Variants in PRKN observed in about 807,000 individuals in gnomAD.
PRKN encodes E3 ubiquitin-protein ligase parkin.
A neutral mutation model predicts 59.5 loss-of-function variants in PRKN; 56 were observed. The ratio of observed to expected loss-of-function variants is 0.94; its 90% CI spans 0.76 to 1.18. The LOEUF (loss-of-function observed/expected upper bound fraction) is 1.18. PRKN is among the 50% of genes most tolerant of loss of function. The pLI, the probability that PRKN is intolerant of heterozygous loss-of-function variation, is 0.00. For missense variants in PRKN, 657 were observed against 596.4 expected (o/e 1.10, Z -1.06); for synonymous variants, 250 against 222.1 (o/e 1.13, Z -1.12).
intron 1 of PRKN, among the ~76,000 whole-genome samples, chr6:162,480,188 T>C (rs190047779): frequency 6.6e-6 from 1 of 152,310 alleles, no homozygotes; most frequent in Non-Finnish European, 1.5e-5. Context: ...ACAATTGGTA[T>C]CGTAGTAGGC....
At chr6:161,612,548 C>A (rs1223170387) in intron 7 of PRKN, among the ~76,000 whole-genome samples, 1 of 151,668 alleles carries the variant, frequency 6.6e-6, no homozygotes, top group Non-Finnish European at 1.5e-5. Flanking sequence ...TGGTGAAACC[C>A]CCTCTCTACT....
intron 4 of PRKN, among the ~76,000 whole-genome samples, chr6:162,075,239 A>C: frequency 6.6e-6 from 1 of 152,210 alleles, no homozygotes. Context: ...ATAAAGATTC[A>C]TAGTTACCTC....
intron 4 of PRKN, among the ~76,000 whole-genome samples, chr6:162,146,820 T>TCGG (rs1367255095): frequency 1.3e-5 from 2 of 151,932 alleles, no homozygotes; most frequent in East Asian, 3.9e-4. Context: ...TTTTTATTCC[T>TCGG]CCTGGGCTCA....
At chr6:162,595,819 T>C (rs993803397) in intron 1 of PRKN, among the ~76,000 whole-genome samples, 2 of 152,160 alleles carry the variant, frequency 1.3e-5, no homozygotes, top group Non-Finnish European at 2.9e-5. Context: ...CAGGCTCCAT[T>C]TGAGTTACTA....
chr6:162,542,010 G>GTGAGTTTGT (rs1296598068), intron 1 of PRKN, among the ~76,000 whole-genome samples: 1 of 152,086 alleles, frequency 6.6e-6, no homozygotes, highest in Non-Finnish European at 1.5e-5. Flanking sequence ...GTTGTGTTTG[G>GTGAGTTTGT]TGAGTTTGTT....
intron 4 of PRKN, among the ~76,000 whole-genome samples, chr6:162,063,751 G>T (rs561037974): frequency 6.6e-6 from 1 of 152,240 alleles, no homozygotes; most frequent in South Asian, 2.1e-4. Flanking sequence ...CACCATGTTG[G>T]CCAGGCTGGT....
intron 1 of PRKN, among the ~76,000 whole-genome samples, chr6:162,605,879 A>G (rs1028346358): frequency 2.0e-5 from 3 of 152,178 alleles, no homozygotes; most frequent in South Asian, 2.1e-4. Context: ...TATTTTAAGT[A>G]TTCATATTTA....
At chr6:162,688,195 G>A (rs1383843440) in intron 1 of PRKN, among the ~76,000 whole-genome samples, 1 of 152,208 alleles carries the variant, frequency 6.6e-6, no homozygotes, top group Non-Finnish European at 1.5e-5. Context: ...GAAAAAAACA[G>A]ACATAAAACA....
chr6:161,864,468 C>T (rs1268419688), intron 6 of PRKN, among the ~76,000 whole-genome samples: 1 of 152,190 alleles, frequency 6.6e-6, no homozygotes, highest in Non-Finnish European at 1.5e-5. Flanking sequence ...ACCATATCTG[C>T]AGTCACTTCC....
chr6:161,985,373 C>G (rs1781398242), intron 5 of PRKN, among the ~76,000 whole-genome samples: 1 of 152,174 alleles, frequency 6.6e-6, no homozygotes, highest in African/African-American at 2.4e-5. Context: ...GTTAAAATAT[C>G]TGGTTGTTAA....
intron 9 of PRKN, among the ~76,000 whole-genome samples, chr6:161,516,246 G>T (rs1490037569): frequency 6.6e-6 from 1 of 151,868 alleles, no homozygotes; most frequent in Non-Finnish European, 1.5e-5. Flanking sequence ...CCAGGAGTTT[G>T]AGACCAGCCT....
At chr6:162,292,152 C>A (rs976428120) in intron 2 of PRKN, among the ~76,000 whole-genome samples, 1 of 151,874 alleles carries the variant, frequency 6.6e-6, no homozygotes, top group African/African-American at 2.4e-5. Context: ...TTAGTAGAGA[C>A]AAGGTTTCAC....
At position 161,480,017 on chromosome 6, in the gene PRKN, G is replaced by A. The variant is rs761171120; in HGVS notation, c.1083+68837C>T. On this transcript the variant is annotated intron_variant, in intron 9 of 11. Coordinates refer to ENST00000366898, the MANE Select transcript of PRKN (RefSeq NM_004562.3). The surrounding 1 kb of genome is among the most constrained non-coding windows in gnomAD (Gnocchi z 4.1). ...TTCCTTGCTCCCTTCCCTCTGGTGCGGGATCATGGAAGCCCAGGTGAAGGT... is the reference window on the plus strand; with the variant it reads ...TTCCTTGCTCCCTTCCCTCTGGTGCAGGATCATGGAAGCCCAGGTGAAGGT... Among the ~76,000 whole-genome samples, 2 of 152,166 alleles carry A rather than the reference G, an allele frequency of 1.3e-5. No individual in the cohort carries two copies. The highest frequency in any genetic ancestry group is 1.9e-4 in the East Asian group (1 of 5,188).
At chr6:162,084,141 G>T (rs1365540749) in intron 4 of PRKN, among the ~76,000 whole-genome samples, 1 of 151,952 alleles carries the variant, frequency 6.6e-6, no homozygotes, top group Admixed American at 6.6e-5. Context: ...TATTTGAAGG[G>T]GTAGGTCATA....
At chr6:161,961,058 A>T (rs571041723) in intron 6 of PRKN, among the ~76,000 whole-genome samples, 1 of 152,368 alleles carries the variant, frequency 6.6e-6, no homozygotes, top group South Asian at 2.1e-4. Flanking sequence ...ACAAATGGTA[A>T]GAACAACTTG....
rs936265517 is a variant in PRKN at position 161,547,589 on chromosome 6, G to A, written c.1083+1265C>T. 1.3e-5 allele frequency among the ~76,000 whole-genome samples: 2 copies of A among 152,182 alleles called. No individual in the cohort carries two copies. Among genetic ancestry groups the A allele is most frequent in the Non-Finnish European group, 2.9e-5 (2 of 68,038 alleles). The stretch of plus-strand genomic sequence containing the variant: ...CACAGTAGGCAATTAGCAGGCAGAA[G>A]CACATAATTTAGCCAGTAGTTAAAA... On this transcript the variant is annotated intron_variant, in intron 9 of 11. Transcript: ENST00000366898. The surrounding 1 kb of genome is among the most constrained non-coding windows in gnomAD (Gnocchi z 4.0).
At chr6:162,284,241 T>TTTTTTTG (rs1781072391) in intron 2 of PRKN, among the ~76,000 whole-genome samples, 2 of 127,640 alleles carry the variant, frequency 1.6e-5, no homozygotes, top group South Asian at 2.8e-4. Flanking sequence ...TTTTTTTTTT[T>TTTTTTTG]GAGATAGAGT....
intron 5 of PRKN, among the ~76,000 whole-genome samples, chr6:162,004,955 C>A (rs1474674218): frequency 6.6e-6 from 1 of 152,188 alleles, no homozygotes; most frequent in Admixed American, 6.5e-5. Flanking sequence ...AAATACTAAA[C>A]ATATACATTT....
intron 6 of PRKN, among the ~76,000 whole-genome samples, chr6:161,969,813 C>G (rs903646941): frequency 6.6e-6 from 1 of 151,988 alleles, no homozygotes; most frequent in Non-Finnish European, 1.5e-5. Context: ...ATTCATCTTG[C>G]TTTGCTGAGA....
Sources: allele counts gnomAD v4.1 joint callset (sites outside exome capture counted in the v4.1 genomes callset), GRCh38; gene constraint gnomAD v4.1.1; non-coding constraint Gnocchi (gnomAD v3.1); transcripts MANE v1.5; gene names NCBI Gene and HGNC (gene_info 2026-07-23, HGNC 2026-07-21).